The following TUSC3 variants were observed in gnomAD, a reference collection of about 807,000 sequenced individuals.
The protein encoded by TUSC3 is tumor suppressor candidate 3.
TUSC3 carries 45 observed loss-of-function variants against 44.8 expected under a neutral mutation model. The ratio of observed to expected loss-of-function variants is 1.00; its 90% confidence interval spans 0.79 to 1.29. The LOEUF (loss-of-function observed/expected upper bound fraction) is 1.29, where lower values mean the gene tolerates loss of function less well. TUSC3 is among the 50% of genes most tolerant of loss of function. TUSC3 has a pLI of 0.00. For missense variants in TUSC3, 519 were observed against 437.9 expected (o/e 1.19, Z -1.65); for synonymous variants, 212 against 152.9 (o/e 1.39, Z -2.85).
At chr8:15,797,415 G>A in the TUSC3 span, among the ~76,000 whole-genome samples, 1 of 152,172 alleles carries the variant, frequency 6.6e-6, no homozygotes, top group East Asian at 1.9e-4. Context: ...GAGGGACTTA[G>A]CACTGTGAAT....
rs139571299 is a variant in TUSC3 at position 15,690,969 on chromosome 8, T to G, written c.798+17133T>G. On this transcript the variant is annotated intron_variant, in intron 6 of 10. Transcript: ENST00000503731. ...CAGCTTTGCCCATTTTGCTTAGGAT[T>G]GCCTTGGCTATTCAGGCTATTTTTT... is the stretch of plus-strand genomic sequence containing the variant. Among the ~76,000 whole-genome samples the G allele has an allele frequency of 3.2e-3, 353 of 110,378 alleles. 3 individuals carry two copies. The highest frequency in any genetic ancestry group is 9.6e-3 in the African/African-American group (339 of 35,236). 72.4% of individuals were successfully genotyped at this position (110,378 alleles called of 152,430 possible). A position where few individuals can be genotyped will look rare whatever the true frequency, so the allele number is the denominator to read the frequency against.
intron 6 of TUSC3, among the ~76,000 whole-genome samples, chr8:15,708,890 T>A (rs975464960): frequency 5.9e-5 from 9 of 151,878 alleles, no homozygotes; most frequent in Non-Finnish European, 1.2e-4. Flanking sequence ...TAGGAAAAGA[T>A]CTGTGTGGAG....
At chr8:15,479,080 C>T (rs560640255) in intron 1 of TUSC3, among the ~76,000 whole-genome samples, 2 of 152,268 alleles carry the variant, frequency 1.3e-5, no homozygotes, top group South Asian at 2.1e-4. Context: ...TAAATGTCTT[C>T]TTCTGAGAAG....
chr8:15,464,746 A>C (rs1044964153), intron 1 of TUSC3, among the ~76,000 whole-genome samples: 1 of 152,238 alleles, frequency 6.6e-6, no homozygotes, highest in Non-Finnish European at 1.5e-5. Context: ...ATTTATTTAC[A>C]GCCAGTGTCT....
intron 9 of TUSC3, among the ~76,000 whole-genome samples, chr8:15,749,083 T>C (rs1313538926): frequency 2.6e-5 from 4 of 151,594 alleles, no homozygotes; most frequent in African/African-American, 9.7e-5. Context: ...TAGGCATATA[T>C]TCATTCTTGA....
At chr8:15,638,663 T>A (rs1041942523) in intron 2 of TUSC3, among the ~76,000 whole-genome samples, 2 of 151,878 alleles carry the variant, frequency 1.3e-5, no homozygotes, top group African/African-American at 4.8e-5. Flanking sequence ...GTAGCTGGGA[T>A]TACAGACATG....
chr8:15,786,117 A>G, the TUSC3 span, among the ~76,000 whole-genome samples: 6 of 152,310 alleles, frequency 3.9e-5, no homozygotes, highest in Admixed American at 3.3e-4. Context: ...TTTTAAATGT[A>G]AAAGATTTTT....
At chr8:15,583,759 AT>A (rs539622519) in intron 1 of TUSC3, among the ~76,000 whole-genome samples, 3 of 152,050 alleles carry the variant, frequency 2.0e-5, no homozygotes, top group African/African-American at 4.8e-5. Flanking sequence ...ATTAAAATGG[AT>A]TTTTTTTCTT....
At chr8:15,537,740 T>A (rs1801545260), upstream of TUSC3, among the ~76,000 whole-genome samples, 1 of 152,104 alleles carries the variant, frequency 6.6e-6, no homozygotes, top group African/African-American at 2.4e-5. Flanking sequence ...TGAAAATTGG[T>A]AATTAGAAGG....
chr8:15,840,251 A>T, the TUSC3 span, among the ~76,000 whole-genome samples: 10 of 152,266 alleles, frequency 6.6e-5, no homozygotes, highest in East Asian at 5.8e-4. Flanking sequence ...GAGGGAGGGA[A>T]AGCATTAGGA....
chr8:15,522,547 T>C (rs1801312282), intron 2 of TUSC3, among the ~76,000 whole-genome samples: 2 of 151,918 alleles, frequency 1.3e-5, no homozygotes, highest in Non-Finnish European at 2.9e-5. Flanking sequence ...CAGCCTTTTT[T>C]TTTTTTTTCA....
In TUSC3 at chr8:15,757,865, T is replaced by C; in HGVS notation, c.*46+10T>C. ...AACTCTATAACCTCAGGCAAGTCTTTTAATCTTCTCTGAGCCTCAGTTTTC... is the reference window on the plus strand; with the variant it reads ...AACTCTATAACCTCAGGCAAGTCTTCTAATCTTCTCTGAGCCTCAGTTTTC... On this transcript the variant is annotated intron_variant, in intron 10 of 10. Coordinates refer to ENST00000503731, the MANE Select transcript of TUSC3 (RefSeq NM_006765.4). 2.2e-6 allele frequency: 3 copies of C among 1,385,820 alleles called. No homozygotes were observed. Among genetic ancestry groups the C allele is most frequent in the Non-Finnish European group, 3.1e-6 (3 of 972,062 alleles). The allele number at this position is 1,385,820 out of a possible 1,614,324, so 85.8% of individuals were successfully genotyped here. A position where few individuals can be genotyped will look rare whatever the true frequency, so the allele number is the denominator to read the frequency against.
chr8:15,520,367 G>T (rs1801281731), intron 2 of TUSC3, among the ~76,000 whole-genome samples: 1 of 152,168 alleles, frequency 6.6e-6, no homozygotes, highest in South Asian at 2.1e-4. Flanking sequence ...CCTTGAGTAA[G>T]ATATCCAACC....
chr8:15,564,724 G>A (rs895986026), intron 1 of TUSC3, among the ~76,000 whole-genome samples: 1 of 152,132 alleles, frequency 6.6e-6, no homozygotes, highest in Non-Finnish European at 1.5e-5. Context: ...AGTTCTAGGC[G>A]ATGGAGTGTA....
rs368457576 is a variant in TUSC3 at position 15,618,913 on chromosome 8, C to T, written c.139-4167C>T. The stretch of plus-strand genomic sequence containing the variant: ...CAGCCCCATTATAATCTTATGGGAC[C>T]GTCTTTGTGTATGGAGTCTGTTGTT... On this transcript the variant is annotated intron_variant, in intron 1 of 10. Transcript: ENST00000503731. 2.8e-4 allele frequency among the ~76,000 whole-genome samples: 43 copies of T among 152,114 alleles called. No homozygotes were observed. The East Asian group carries it at 3.1e-3, about 11-fold the overall frequency.
chr8:15,797,717 G>C, the TUSC3 span, among the ~76,000 whole-genome samples: 3 of 152,274 alleles, frequency 2.0e-5, no homozygotes, highest in African/African-American at 7.2e-5. Context: ...ACATGAATGA[G>C]AACTATTCTA....
At chr8:15,806,723 G>A in the TUSC3 span, 13 of 812,476 alleles carry the variant, frequency 1.6e-5, no homozygotes, top group East Asian at 1.2e-4. Flanking sequence ...TTTGGATACA[G>A]CCAGAGAGGC....
intron 1 of TUSC3, among the ~76,000 whole-genome samples, chr8:15,461,076 T>C (rs1800338161): frequency 1.3e-5 from 2 of 152,300 alleles, no homozygotes; most frequent in South Asian, 2.1e-4. Flanking sequence ...ATGATGGTGG[T>C]ATTTTGATGG....
intron 1 of TUSC3, among the ~76,000 whole-genome samples, chr8:15,596,547 C>A (rs1804075359): frequency 6.6e-6 from 1 of 152,236 alleles, no homozygotes; most frequent in Non-Finnish European, 1.5e-5. Context: ...ATACCCTGTG[C>A]ATACTGAGGA....
Sources: gnomAD v4.1 joint callset for allele counts (sites outside exome capture counted in the v4.1 genomes callset) on GRCh38, gnomAD v4.1.1 for gene constraint, MANE v1.5 for transcripts, NCBI Gene and HGNC (gene_info 2026-07-23, HGNC 2026-07-21) for gene names.